MSLN: variants seen among roughly 807,000 people sequenced by gnomAD.
The protein encoded by MSLN is CAK1 antigen.
Under a neutral mutation model 72.6 loss-of-function variants are expected in MSLN, and 82 were observed. The ratio of observed to expected loss-of-function variants is 1.13; its 90% CI spans 0.94 to 1.36. The LOEUF (loss-of-function observed/expected upper bound fraction) is 1.36, where lower values mean the gene tolerates loss of function less well. MSLN is among the 40% of genes most tolerant of loss of function. The probability of loss-of-function intolerance (pLI) is 0.00; values close to 1 mark genes in which losing one functional copy is unlikely to be tolerated. For missense variants in MSLN, 1,005 were observed against 847.9 expected (o/e 1.19, Z -2.30); for synonymous variants, 456 against 387.3 (o/e 1.18, Z -2.08).
At chr16:764,813 G>A (rs2041582827) in intron 7 of MSLN, 87 bp downstream of exon 7, 1 of 1,581,264 alleles carries the variant, frequency 6.3e-7, no homozygotes, top group African/African-American at 1.3e-5. Flanking sequence ...CGGATCCCAG[G>A]CCACAGCAGA....
At position 762,274 on chromosome 16, in the gene MSLN, A is replaced by G. The variant is rs529963339; in HGVS notation, c.-9-398A>G. Among the ~76,000 whole-genome samples the G allele has an allele frequency of 2.5e-3, 374 of 152,280 alleles. 1 individual carries two copies. The highest frequency in any genetic ancestry group is 4.4e-3 in the Non-Finnish European group (300 of 68,004). On this transcript the variant is annotated intron_variant, in intron 2 of 17. Transcript: ENST00000545450. ...TGCAGCTGAGGGCAGGGGAGAGGGA[A>G]GGGAGCCACATCCAGGCGACGGGGC...
chr16:766,617 G>A, intron 13 of MSLN, 51 bp from the exon 14 acceptor site: 3 of 1,611,216 alleles, frequency 1.9e-6, no homozygotes, highest in Non-Finnish European at 2.5e-6. Flanking sequence ...GCTGGTGGTG[G>A]AGGGATACAT....
rs1265134313 is a variant in MSLN at position 763,269 on chromosome 16, C to A, written c.122C>A (p.Thr41Lys). 3.2e-6 allele frequency: 5 copies of A among 1,542,712 alleles called. No homozygotes were observed. Among genetic ancestry groups the A allele is most frequent in the Non-Finnish European group, 3.5e-6 (4 of 1,145,324 alleles). The part of the protein sequence containing the change: ...VQPSRTLAGE[T>K]GQEAAPLDGV... ...CCCTCGAGGACCCTGGCTGGAGAGA[C>A]AGGGCAGGTAAGGTCCCCTCTGGGG... is the stretch of plus-strand genomic sequence containing the variant. The change falls in exon 4 of 18, where the codon ACA becomes AAA. Residue 41 changes from threonine to lysine, a missense_variant. Coordinates refer to ENST00000545450, the MANE Select transcript of MSLN (RefSeq NM_005823.6).
chr16:768,598 A>C (rs376496140), intron 17 of MSLN, 33 bp downstream of exon 17: 1 of 1,607,328 alleles, frequency 6.2e-7, no homozygotes, highest in South Asian at 1.1e-5. Flanking sequence ...GGCTGGGGGC[A>C]GAGCTGGGGG....
Position 763,640 on chromosome 16 carries a change from A to T in MSLN, c.130-2A>T. On this transcript the variant is annotated splice_acceptor_variant, in intron 4 of 17. Transcript: ENST00000545450. LOFTEE classifies it high-confidence loss of function. ...CATGTTCAGCAGGCCCTGTGTCCCCAGGAGGCTGCGCCCCTGGACGGAGTC... is the reference window on the plus strand; with the variant it reads ...CATGTTCAGCAGGCCCTGTGTCCCCTGGAGGCTGCGCCCCTGGACGGAGTC... 6.2e-7 allele frequency: 1 copy of T among 1,600,488 alleles called. No individual in the cohort carries two copies. Among genetic ancestry groups the T allele is most frequent in the Non-Finnish European group, 8.5e-7 (1 of 1,171,424 alleles).
In MSLN at chr16:766,739, C is replaced by G; in HGVS notation, c.1302C>G (p.Thr434=). 1.2e-6 allele frequency: 2 copies of G among 1,612,666 alleles called. No individual in the cohort carries two copies. The highest frequency in any genetic ancestry group is 1.7e-6 in the Non-Finnish European group (2 of 1,179,914). ...QLDKDTLDTL[T]AFYPGYLCSL... Reference sequence around the variant, plus strand: ...ACAAAGACACCCTAGACACCCTGACCGCCTTCTACCCTGGGTACCTGTGCT... The same window carrying G: ...ACAAAGACACCCTAGACACCCTGACGGCCTTCTACCCTGGGTACCTGTGCT... Residue 434 remains threonine, a synonymous_variant, in exon 14 of 18, where the codon ACC becomes ACG. Transcript: ENST00000545450.
rs766906847 is a variant in MSLN, at chr16:768,760, C to A, written c.*27C>A. On this transcript the variant is annotated 3_prime_UTR_variant, in exon 18 of 18. Transcript: ENST00000545450. ...GGCCCCACTCCCTTGCTGGCCCCAGCCCTGCTGGGGATCCCCGCCTGGCCA... is the reference window on the plus strand; with the variant it reads ...GGCCCCACTCCCTTGCTGGCCCCAGACCTGCTGGGGATCCCCGCCTGGCCA... 3.7e-6 allele frequency: 6 copies of A among 1,605,602 alleles called. No homozygotes were observed. Among genetic ancestry groups the A allele is most frequent in the Non-Finnish European group, 4.2e-6 (5 of 1,176,664 alleles).
At position 765,038 on chromosome 16, in the gene MSLN, T is replaced by A. The variant is rs2041586587; in HGVS notation, c.510+2T>A. 4.3e-6 allele frequency: 7 copies of A among 1,611,278 alleles called. No individual in the cohort carries two copies. Among genetic ancestry groups the A allele is most frequent in the Non-Finnish European group, 5.9e-6 (7 of 1,179,254 alleles). ...CTGCCTGCGGCTCTGGCCTGCTGGG[T>A]AGGGGCTGGGGCCAGCGCGGGGCGG... On this transcript the variant is annotated splice_donor_variant, in intron 8 of 17. Coordinates refer to ENST00000545450, the MANE Select transcript of MSLN (RefSeq NM_005823.6). LOFTEE classifies it high-confidence loss of function.
intron 3 of MSLN, 58 bp from the exon 4 acceptor site, chr16:763,175 T>C: frequency 8.4e-7 from 1 of 1,192,720 alleles, no homozygotes; most frequent in Non-Finnish European, 1.2e-6. Context: ...CTCCCCTGGG[T>C]CAGGGCACAG....
intron 4 of MSLN, among the ~76,000 whole-genome samples, 159 bp from the exon 5 acceptor site, chr16:763,483 T>C (rs924832597): frequency 4.0e-5 from 6 of 151,812 alleles, no homozygotes; most frequent in Non-Finnish European, 8.8e-5. Context: ...GTCTGGGAAG[T>C]AGATGGATGA....
At chr16:767,493 CGTGTGG>C (rs1567359669) in intron 16 of MSLN, 23 bp downstream of exon 16, 4 of 1,265,272 alleles carry the variant, frequency 3.2e-6, no homozygotes, top group Admixed American at 2.6e-5. Context: ...GGAGGAGGGG[CGTGTGG>C]AGGAGGGGCC....
chr16:768,050 C>T (rs1414622360), intron 16 of MSLN, among the ~76,000 whole-genome samples: 1 of 66,224 alleles, frequency 1.5e-5, no homozygotes, highest in Non-Finnish European at 2.9e-5. Context: ...GGAGGGGGCG[C>T]GTGGAGGAGG....
chr16:768,170 C>T (rs1039853147), intron 16 of MSLN, among the ~76,000 whole-genome samples: 33 of 150,840 alleles, frequency 2.2e-4, no homozygotes, highest in African/African-American at 7.6e-4. Flanking sequence ...GGGGCGAGGC[C>T]TTAGGAAGGG....
chr16:765,748 G>C lies in MSLN; in HGVS notation c.853G>C (p.Glu285Gln). The C allele has an allele frequency of 1.2e-6, 2 of 1,600,680 alleles. No homozygotes were observed. The highest frequency in any genetic ancestry group is 1.3e-5 in the African/African-American group (1 of 75,058). ...TCGGGACCCATCCTGGCGGCAGCCT[G>C]AACGGACCATCCTCCGGCCGCGGTT... ...SSRDPSWRQPERTILRPRFRR... is the reference protein window; with the variant it reads ...SSRDPSWRQPQRTILRPRFRR... The change falls in exon 11 of 18, where the codon GAA becomes CAA. Residue 285 changes from glutamate to glutamine, a missense_variant. Physicochemically the swap from Glu to Gln is conservative, Grantham distance 29. Coordinates refer to ENST00000545450, the MANE Select transcript of MSLN (RefSeq NM_005823.6).
Position 766,237 on chromosome 16 carries a change from G to A in MSLN, c.1074G>A (p.Glu358=), listed in dbSNP as rs542097368. The A allele has an allele frequency of 6.2e-7, 1 of 1,609,146 alleles. No individual in the cohort carries two copies. Among genetic ancestry groups the A allele is most frequent in the South Asian group, 1.1e-5 (1 of 91,044 alleles). ...ACGTCCTAAAGCATAAACTGGATGA[G>A]GTAGTTCATGACTCAAGTTCCCACC... ...QLDVLKHKLD[E]LYPQGYPESV... is the part of the protein sequence containing the mutation. Residue 358 remains glutamate (E), a splice_region_variant and synonymous_variant, in exon 12 of 18, where the codon GAG becomes GAA. Transcript: ENST00000545450.
Position 766,500 on chromosome 16 carries a change from C to A in MSLN, c.1230+10C>A, listed in dbSNP as rs72773453. ...CGAAATGAGTCCTCAGGTGACCGTC[C>A]GGCTCGGGGGTCATGTGGCATGAGA... On this transcript the variant is annotated intron_variant, in intron 13 of 17. Transcript: ENST00000545450. 1 of 1,612,294 alleles carries A rather than the reference C, an allele frequency of 6.2e-7. No individual in the cohort carries two copies. The highest frequency in any genetic ancestry group is 1.3e-5 in the African/African-American group (1 of 74,912).
chr16:765,391 C>T, intron 9 of MSLN, 88 bp downstream of exon 9: 2 of 1,431,358 alleles, frequency 1.4e-6, no homozygotes, highest in Admixed American at 2.3e-5. Flanking sequence ...CCTCAAGGCC[C>T]AGGGTCAGTC....
chr16:762,354 G>A (rs994349170), intron 2 of MSLN, among the ~76,000 whole-genome samples: 3 of 152,214 alleles, frequency 2.0e-5, no homozygotes, highest in African/African-American at 4.8e-5. Flanking sequence ...AGTGGGCGGC[G>A]GCCCCGGTTG....
In MSLN at chr16:762,404, G is replaced by A. The variant is rs553027993; in HGVS notation, c.-9-268G>A. 559 of 494,770 alleles carry A rather than the reference G, an allele frequency of 1.1e-3. 5 individuals are homozygous for A. The highest frequency in any genetic ancestry group is 3.2e-4 in the Non-Finnish European group (89 of 277,368). 30.6% of individuals were successfully genotyped at this position (494,770 alleles called of 1,614,324 possible). A position where few individuals can be genotyped will look rare whatever the true frequency, so the allele number is the denominator to read the frequency against. On this transcript the variant is annotated intron_variant, in intron 2 of 17. Coordinates refer to ENST00000545450, the MANE Select transcript of MSLN (RefSeq NM_005823.6). ...TGCTCACACTGCCCTGCCCTTCTGG[G>A]AGAGGGGTGGGCGCCAACTGACTCC... is the stretch of plus-strand genomic sequence containing the variant.
Sources: gnomAD v4.1 joint callset for allele counts (sites outside exome capture counted in the v4.1 genomes callset) on GRCh38, gnomAD v4.1.1 for gene constraint, MANE v1.5 for transcripts, NCBI Gene and HGNC (gene_info 2026-07-23, HGNC 2026-07-21) for gene names.